Variants in MYPN observed in about 807,000 individuals in gnomAD.
MYPN encodes myopalladin.
In MYPN, 63 loss-of-function variants were observed where a neutral mutation model predicts 129.4. That is an observed-to-expected ratio of 0.49 (90% CI 0.40 to 0.60). The LOEUF (loss-of-function observed/expected upper bound fraction) is 0.60, where lower values mean the gene tolerates loss of function less well. Among genes scored for constraint, MYPN ranks in the 20% least tolerant of loss-of-function variants. The pLI, the probability that MYPN is intolerant of heterozygous loss-of-function variation, is 0.00. For missense variants in MYPN, 1,596 were observed against 1,635.4 expected, an observed-to-expected ratio of 0.98 and a Z score of 0.42; for synonymous variants, 629 against 600.9, an observed-to-expected ratio of 1.05 and a Z score of -0.68.
At chr10:68,185,197 G>A (rs1237922362) in intron 12 of MYPN, among the ~76,000 whole-genome samples, 1 of 148,850 alleles carries the variant, frequency 6.7e-6, no homozygotes, top group African/African-American at 2.5e-5. Flanking sequence ...AAGGAGGGAA[G>A]GAAGGGAGGA....
At chr10:68,125,315 A>G (rs1322688811) in intron 2 of MYPN, among the ~76,000 whole-genome samples, 1 of 152,226 alleles carries the variant, frequency 6.6e-6, no homozygotes, top group African/African-American at 2.4e-5. Flanking sequence ...ACTGACAGCA[A>G]TCATGCCTGT....
chr10:68,125,609 T>C (rs1176016331), intron 2 of MYPN, among the ~76,000 whole-genome samples: 1 of 152,204 alleles, frequency 6.6e-6, no homozygotes, highest in Non-Finnish European at 1.5e-5. Flanking sequence ...GAGCTTGCAA[T>C]ACAGTTAAAG....
At chr10:68,197,263 C>T in intron 15 of MYPN, 89 bp from the exon 16 acceptor site, 1 of 1,478,106 alleles carries the variant, frequency 6.8e-7, no homozygotes, top group Admixed American at 1.8e-5. Flanking sequence ...AATCTGTTCT[C>T]TAGGTCTGTA....
chr10:68,105,944 C>A (rs1008299655), upstream of MYPN, among the ~76,000 whole-genome samples: 8 of 152,208 alleles, frequency 5.3e-5, no homozygotes, highest in Admixed American at 4.6e-4. Flanking sequence ...CCCCACCAGC[C>A]CTGCAGGCTA....
chr10:68,121,356 G>A lies in MYPN; in HGVS notation c.-1-82G>A, dbSNP rs1410223186. 5 of 1,147,458 alleles carry A rather than the reference G, an allele frequency of 4.4e-6. No homozygotes were observed. The African/African-American group carries it at 4.7e-5, about 11-fold the overall frequency. The allele number at this position is 1,147,458 out of a possible 1,614,324, so 71.1% of individuals were successfully genotyped here. The stretch of plus-strand genomic sequence containing the variant: ...TTTATTTTGAGCTTTAATTTCTAAC[G>A]AGTCTGCAGTGCTATAATAGACATA... On this transcript the variant is annotated intron_variant, in intron 1 of 19. Coordinates refer to ENST00000358913, the MANE Select transcript of MYPN (RefSeq NM_032578.4).
intron 2 of MYPN, among the ~76,000 whole-genome samples, chr10:68,123,719 AAAT>A (rs1444623848): frequency 1.3e-5 from 2 of 151,184 alleles, no homozygotes; most frequent in Admixed American, 6.6e-5. Context: ...ATAAATAAAT[AAAT>A]AAGTATAATT....
At chr10:68,131,140 G>A (rs1046499407) in intron 2 of MYPN, among the ~76,000 whole-genome samples, 1 of 152,158 alleles carries the variant, frequency 6.6e-6, no homozygotes, top group African/African-American at 2.4e-5. Flanking sequence ...TGTAATCCCA[G>A]CACTTTGGGA....
intron 19 of MYPN, among the ~76,000 whole-genome samples, chr10:68,209,671 C>CTTTTT (rs35392300): frequency 2.2e-3 from 293 of 130,962 alleles, no homozygotes; most frequent in Middle Eastern, 4.3e-3. Context: ...GAATTCTTTT[C>CTTTTT]TTTTTTTTTT....
At chr10:68,209,693 GT>G (rs2043876552) in intron 19 of MYPN, among the ~76,000 whole-genome samples, 3 of 101,590 alleles carry the variant, frequency 3.0e-5, no homozygotes, top group Non-Finnish European at 6.7e-5. Flanking sequence ...TTTTTTGTTT[GT>G]TTTTTTCTTT....
rs1301383861 is a variant in MYPN at position 68,158,748 on chromosome 10, T to G, written c.1459+121T>G. The G allele has an allele frequency of 5.5e-6, 4 of 732,646 alleles. No individual in the cohort carries two copies. In the East Asian group the frequency reaches 8.2e-5, roughly 15 times the overall value. The allele number at this position is 732,646 out of a possible 1,614,324, so 45.4% of individuals were successfully genotyped here. A position where few individuals can be genotyped will look rare whatever the true frequency, so the allele number is the denominator to read the frequency against. ...ATAGTCAAAAAGAATAAAAAACACC[T>G]GTAATCATACTCCTGTTAATATTTC... On this transcript the variant is annotated intron_variant, in intron 7 of 19. Coordinates refer to ENST00000358913, the MANE Select transcript of MYPN (RefSeq NM_032578.4).
chr10:68,135,488 C>A (rs1041307756), intron 2 of MYPN: 40 of 984,744 alleles, frequency 4.1e-5, no homozygotes, highest in Admixed American at 6.2e-5. Context: ...AAGAGTTACT[C>A]TGATGCTTGG....
chr10:68,178,690 G>C (rs2043266001), intron 12 of MYPN, among the ~76,000 whole-genome samples: 1 of 136,574 alleles, frequency 7.3e-6, no homozygotes, highest in Non-Finnish European at 1.5e-5. Context: ...TCCAGTCTGG[G>C]TGACAGAGCG....
chr10:68,162,585 C>T (rs1436399334), intron 8 of MYPN, among the ~76,000 whole-genome samples: 3 of 152,250 alleles, frequency 2.0e-5, no homozygotes, highest in African/African-American at 7.2e-5. Flanking sequence ...TGAATGCCCT[C>T]TCTGTGACCA....
intron 12 of MYPN, among the ~76,000 whole-genome samples, chr10:68,186,826 C>T (rs930611359): frequency 6.6e-6 from 1 of 151,966 alleles, no homozygotes; most frequent in Non-Finnish European, 1.5e-5. Flanking sequence ...AAGAAAAATA[C>T]TAGATAGTAA....
chr10:68,145,260 G>T lies in MYPN; in HGVS notation c.1079-215G>T, dbSNP rs2673800. Among the ~76,000 whole-genome samples, 27,166 of 151,890 alleles carry T rather than the reference G, an allele frequency of 0.18. 4,202 individuals carry two copies. The highest frequency in any genetic ancestry group is 0.42 in the African/African-American group (17,383 of 41,344). ...GCTGGTCTCGAACTCCGGACCTCAG[G>T]TGATCCACCCCCCTCGGCCTCCCAA... On this transcript the variant is annotated intron_variant, in intron 3 of 19. Transcript: ENST00000358913.
chr10:68,173,152 A>C (rs912054185), intron 10 of MYPN, among the ~76,000 whole-genome samples: 1 of 152,224 alleles, frequency 6.6e-6, no homozygotes, highest in Non-Finnish European at 1.5e-5. Flanking sequence ...GTATGGGGAC[A>C]TATGGTCACC....
chr10:68,143,542 A>G (rs1297043700), intron 3 of MYPN, among the ~76,000 whole-genome samples: 1 of 152,084 alleles, frequency 6.6e-6, no homozygotes. Context: ...ATATGAGCCA[A>G]TGTGGCCAGG....
At chr10:68,136,532 T>A in intron 2 of MYPN, 1 of 1,419,076 alleles carries the variant, frequency 7.0e-7, no homozygotes, top group South Asian at 1.6e-5. Flanking sequence ...GCCAGCCTGA[T>A]CCCTGCCTAA....
At chr10:68,108,936 G>T (rs938383253), upstream of MYPN, among the ~76,000 whole-genome samples, 1 of 152,138 alleles carries the variant, frequency 6.6e-6, no homozygotes, top group Non-Finnish European at 1.5e-5. Flanking sequence ...GGCCAGCCTG[G>T]TCTTGAACTC....
Sources: allele counts gnomAD v4.1 joint callset (sites outside exome capture counted in the v4.1 genomes callset), GRCh38; gene constraint gnomAD v4.1.1; transcripts MANE v1.5; gene names NCBI Gene and HGNC (gene_info 2026-07-23, HGNC 2026-07-21).